Variants in HAT1 observed in about 807,000 individuals in gnomAD.
HAT1 encodes histone acetyltransferase 1, also known as histone acetyltransferase type B catalytic subunit.
HAT1 carries 20 observed loss-of-function variants against 56.6 expected under a neutral mutation model. That is an observed-to-expected ratio of 0.35 (90% confidence interval 0.25 to 0.51). The LOEUF (loss-of-function observed/expected upper bound fraction) is 0.51. Ranked by LOEUF, HAT1 falls within the 20% of genes least tolerant of loss-of-function variation. The pLI is 0.95. For missense variants in HAT1, 408 were observed against 504.3 expected (o/e 0.81, Z 1.83); for synonymous variants, 146 against 165.5 (o/e 0.88, Z 0.91).
intron 4 of HAT1, among the ~76,000 whole-genome samples, chr2:171,953,275 G>A (rs1040801199): frequency 1.3e-5 from 2 of 152,156 alleles, no homozygotes; most frequent in Non-Finnish European, 2.9e-5. Flanking sequence ...GAGCCCAGGA[G>A]GCAGAGGCTA....
chr2:171,922,535 G>C, intron 1 of HAT1, 28 bp downstream of exon 1: 2 of 1,315,304 alleles, frequency 1.5e-6, no homozygotes, highest in Non-Finnish European at 2.0e-6. Flanking sequence ...GTTTACCAAG[G>C]GGAGGAGGCG....
chr2:171,946,839 C>T, intron 3 of HAT1, 56 bp downstream of exon 3: 1 of 759,852 alleles, frequency 1.3e-6, no homozygotes, highest in Non-Finnish European at 2.2e-6. Flanking sequence ...AATTTTCATT[C>T]TTTTTCTTTT....
intron 3 of HAT1, 109 bp downstream of exon 3, chr2:171,946,892 G>T: frequency 1.0e-5 from 6 of 599,268 alleles, no homozygotes; most frequent in Non-Finnish European, 1.8e-5. Flanking sequence ...TTTTTAATGT[G>T]GTTTATCTTA....
At chr2:171,937,333 G>A (rs1686895655) in intron 2 of HAT1, among the ~76,000 whole-genome samples, 1 of 152,178 alleles carries the variant, frequency 6.6e-6, no homozygotes. Context: ...TAAGAACTAG[G>A]AAGTATATGA....
At position 171,961,739 on chromosome 2, in the gene HAT1, GTGTAAA is replaced by G. The variant is rs1420092471; in HGVS notation, c.310-3597_310-3592del. On this transcript the variant is annotated intron_variant, in intron 4 of 10. Coordinates refer to ENST00000264108, the MANE Select transcript of HAT1 (RefSeq NM_003642.4). ...GTTCAAGTAGCAAAATACTAATGCA[GTGTAAA>G]TAAACATAATATGACCTTTGTTTTT... Among the ~76,000 whole-genome samples, 6 of 152,124 alleles carry G rather than the reference GTGTAAA, an allele frequency of 3.9e-5. No individual in the cohort carries two copies. The East Asian group carries it at 1.2e-3, about 29-fold the overall frequency.
chr2:171,941,741 C>G (rs1292103546), intron 2 of HAT1, among the ~76,000 whole-genome samples: 1 of 152,124 alleles, frequency 6.6e-6, no homozygotes, highest in Non-Finnish European at 1.5e-5. Context: ...TGAAGCTTTT[C>G]CAGCTTACCC....
chr2:171,979,595 G>C (rs1688082203), intron 10 of HAT1: 1 of 350,116 alleles, frequency 2.9e-6, no homozygotes, highest in Non-Finnish European at 5.3e-6. Context: ...ATCACCTCAG[G>C]TCAGAAGTTC....
At chr2:171,938,316 T>A (rs1686929009) in intron 2 of HAT1, among the ~76,000 whole-genome samples, 1 of 152,104 alleles carries the variant, frequency 6.6e-6, no homozygotes. Context: ...AGTCCCCAAC[T>A]TTTTTGGCAC....
intron 4 of HAT1, among the ~76,000 whole-genome samples, chr2:171,957,970 C>CA (rs1687486652): frequency 6.6e-6 from 1 of 152,114 alleles, no homozygotes; most frequent in African/African-American, 2.4e-5. Context: ...AGTAGCAGTT[C>CA]CTAAAGAATT....
At chr2:171,974,210 A>AAAAAAAAAAAAAAAAAAG (rs1687905080) in intron 8 of HAT1, among the ~76,000 whole-genome samples, 1 of 72,694 alleles carries the variant, frequency 1.4e-5, no homozygotes, top group Non-Finnish European at 3.3e-5. Flanking sequence ...AGAAAAAGAA[A>AAAAAAAAAAAAAAAAAAG]AAAAAAAAAA....
chr2:171,949,673 C>CA (rs71013094), intron 3 of HAT1, among the ~76,000 whole-genome samples: 2,947 of 127,956 alleles, frequency 0.023, 54 homozygotes, highest in Admixed American at 0.074. Context: ...GACTCTGTCT[C>CA]AAAAAAAAAA....
At chr2:171,953,080 C>G (rs1687347441) in intron 4 of HAT1, 79 bp downstream of exon 4, 2 of 919,358 alleles carry the variant, frequency 2.2e-6, no homozygotes, top group Admixed American at 2.5e-5. Flanking sequence ...TGCGGTGGCT[C>G]ACACCTGTAA....
intron 10 of HAT1, among the ~76,000 whole-genome samples, chr2:171,981,980 A>G (rs1264639887): frequency 1.3e-5 from 2 of 152,152 alleles, no homozygotes; most frequent in Admixed American, 1.3e-4. Context: ...AAAGTAAAAT[A>G]ATTTATTGAA....
intron 1 of HAT1, chr2:171,924,447 C>T (rs913794111): frequency 6.6e-6 from 1 of 152,128 alleles, no homozygotes; most frequent in Non-Finnish European, 1.5e-5. Context: ...CCTGCCTCGG[C>T]CTCCCAAAGT....
At chr2:171,979,578 C>G (rs1056654362) in intron 10 of HAT1, 18 of 399,420 alleles carry the variant, frequency 4.5e-5, no homozygotes, top group African/African-American at 3.5e-4. Context: ...GAGGCCAAGG[C>G]GGGTGGATCA....
In HAT1 at chr2:171,925,548, A is replaced by T; in HGVS notation, c.19A>T (p.Met7Leu). The change falls in exon 2 of 11, where the codon ATG becomes TTG. Residue 7 changes from methionine (M) to leucine (L), a missense_variant. Transcript: ENST00000264108. MAGFGA[M>L]EKFLVEYKSA... ...ACCTTTTCTCTTAGGATTTGGTGCT[A>T]TGGAGAAATTTTTGGTAGAATATAA... The T allele has an allele frequency of 6.7e-7, 1 of 1,494,522 alleles. No homozygotes were observed. Among genetic ancestry groups the T allele is most frequent in the Non-Finnish European group, 9.3e-7 (1 of 1,071,226 alleles). The allele number at this position is 1,494,522 out of a possible 1,614,324, so 92.6% of individuals were successfully genotyped here.
chr2:171,983,145 T>C (rs755972262), intron 10 of HAT1, 40 bp from the exon 11 acceptor site: 35 of 1,278,360 alleles, frequency 2.7e-5, no homozygotes, highest in Admixed American at 4.7e-5. Flanking sequence ...AGGAAATATA[T>C]TTACTTTCTT....
At chr2:171,926,560 T>C (rs773699839) in intron 2 of HAT1, among the ~76,000 whole-genome samples, 15 of 152,216 alleles carry the variant, frequency 9.9e-5, no homozygotes, top group Non-Finnish European at 2.1e-4. Flanking sequence ...CCCAAAGTGC[T>C]GGGATTACAG....
chr2:171,982,039 G>C lies in HAT1; in HGVS notation c.1093-1146G>C, dbSNP rs141602295. On this transcript the variant is annotated intron_variant, in intron 10 of 10. Transcript: ENST00000264108. Reference sequence around the variant, plus strand: ...GACTTTTATATAAAATATAACAAATGAAAGATGGAAATTCTGAGTACAAAT... The same window carrying C: ...GACTTTTATATAAAATATAACAAATCAAAGATGGAAATTCTGAGTACAAAT... 6.4e-4 allele frequency among the ~76,000 whole-genome samples: 97 copies of C among 152,214 alleles called. 1 individual carries two copies. The highest frequency in any genetic ancestry group is 2.1e-3 in the African/African-American group (86 of 41,546).
Sources: allele counts gnomAD v4.1 joint callset (sites outside exome capture counted in the v4.1 genomes callset), GRCh38; gene constraint gnomAD v4.1.1; transcripts MANE v1.5; gene names NCBI Gene and HGNC (gene_info 2026-07-23, HGNC 2026-07-21).